Variants in SNTG2 observed in about 807,000 individuals in gnomAD.
SNTG2 encodes syntrophin gamma 2, also known as gamma-2-syntrophin.
In SNTG2, 74 loss-of-function variants were observed where a neutral mutation model predicts 70.9. The ratio of observed to expected loss-of-function variants is 1.04; its 90% CI spans 0.86 to 1.27. The LOEUF (loss-of-function observed/expected upper bound fraction) is 1.27, where lower values mean the gene tolerates loss of function less well. Ranked by LOEUF, SNTG2 falls within the 50% of genes most tolerant of loss-of-function variation. SNTG2 has a pLI of 0.00. For missense variants in SNTG2, 717 were observed against 690.7 expected (o/e 1.04, Z -0.43); for synonymous variants, 278 against 273.8 (o/e 1.02, Z -0.15).
At position 1,238,074 on chromosome 2, in the gene SNTG2, T is replaced by C. The variant is rs560806949; in HGVS notation, c.849+57T>C. ...ATGCTCATTCGTGCATGAAAAATAATGGAGACATCATGTTTCTGATGATTT... is the reference window on the plus strand; with the variant it reads ...ATGCTCATTCGTGCATGAAAAATAACGGAGACATCATGTTTCTGATGATTT... On this transcript the variant is annotated intron_variant, in intron 10 of 16. Coordinates refer to ENST00000308624, the MANE Select transcript of SNTG2 (RefSeq NM_018968.4). 166 of 1,552,978 alleles carry C rather than the reference T, an allele frequency of 1.1e-4. No homozygotes were observed. In the African/African-American group the frequency reaches 2.1e-3, roughly 19 times the overall value.
rs1420413600 is a variant in SNTG2, at chr2:1,094,796, G to A, written c.211-3400G>A. 2.5e-5 allele frequency among the ~76,000 whole-genome samples: 2 copies of A among 78,474 alleles called. 1 individual carries two copies. The highest frequency in any genetic ancestry group is 1.3e-4 in the African/African-American group (2 of 15,214). 51.5% of individuals were successfully genotyped at this position (78,474 alleles called of 152,430 possible). ...GTTACTGGCAAGGGCCAGCTTACTG[G>A]CCTGCAGGCAAAGGCCTTATAGGTG... is the stretch of plus-strand genomic sequence containing the variant. On this transcript the variant is annotated intron_variant, in intron 2 of 16. Transcript: ENST00000308624.
intron 16 of SNTG2, among the ~76,000 whole-genome samples, chr2:1,361,125 T>C (rs4624432): frequency 0.72 from 109,676 of 152,006 alleles, 39,860 homozygotes; most frequent in East Asian, 0.94. Context: ...CCTTCTGTGC[T>C]TCAGCCACTG....
intron 14 of SNTG2, among the ~76,000 whole-genome samples, chr2:1,271,602 G>T (rs1333222763): frequency 6.6e-6 from 1 of 152,048 alleles, no homozygotes; most frequent in Non-Finnish European, 1.5e-5. Flanking sequence ...CCATAACAAG[G>T]TTTCCATACT....
At chr2:1,125,301 G>A (rs891044706) in intron 4 of SNTG2, among the ~76,000 whole-genome samples, 1 of 152,056 alleles carries the variant, frequency 6.6e-6, no homozygotes, top group African/African-American at 2.4e-5. Context: ...CTTCATTTAT[G>A]AACTTTATTA....
intron 1 of SNTG2, among the ~76,000 whole-genome samples, chr2:1,067,327 ATAGT>A (rs151082959): frequency 0.035 from 5,381 of 152,256 alleles, 194 homozygotes; most frequent in African/African-American, 0.094. Context: ...TCACTATGTC[ATAGT>A]TAGTACTTCA....
At chr2:1,106,141 G>C in intron 4 of SNTG2, among the ~76,000 whole-genome samples, 1 of 125,802 alleles carries the variant, frequency 7.9e-6, no homozygotes, top group South Asian at 3.2e-4. Flanking sequence ...GCTGTCACTC[G>C]GGTGCAGGGT....
intron 4 of SNTG2, among the ~76,000 whole-genome samples, chr2:1,134,905 C>T (rs1279093460): frequency 3.9e-5 from 6 of 152,206 alleles, no homozygotes; most frequent in African/African-American, 9.6e-5. Context: ...AAATCAAGCG[C>T]AACACCGGTG....
intron 1 of SNTG2, among the ~76,000 whole-genome samples, chr2:994,638 ATAT>A (rs1661614946): frequency 6.6e-6 from 1 of 152,024 alleles, no homozygotes; most frequent in Non-Finnish European, 1.5e-5. Context: ...CCATTTCATA[ATAT>A]TAAGAATTTA....
chr2:1,006,219 A>G (rs1199183930), intron 1 of SNTG2, among the ~76,000 whole-genome samples: 1 of 150,956 alleles, frequency 6.6e-6, no homozygotes, highest in Non-Finnish European at 1.5e-5. Context: ...CTAGATGACA[A>G]GTTAGTGGGT....
chr2:1,218,783 C>T (rs1322032414), intron 9 of SNTG2, among the ~76,000 whole-genome samples: 2 of 152,318 alleles, frequency 1.3e-5, no homozygotes, highest in African/African-American at 2.4e-5. Flanking sequence ...GCTTCACCCT[C>T]TTGGGGCCAT....
chr2:1,316,622 G>C (rs1393888292), intron 16 of SNTG2, among the ~76,000 whole-genome samples: 2 of 43,942 alleles, frequency 4.6e-5, no homozygotes, highest in Non-Finnish European at 1.1e-4. Context: ...AATATTTGTG[G>C]ATTAGGTACT....
At chr2:1,069,371 A>G (rs1035928653) in intron 1 of SNTG2, among the ~76,000 whole-genome samples, 1 of 151,888 alleles carries the variant, frequency 6.6e-6, no homozygotes, top group Admixed American at 6.6e-5. Context: ...CTTCTGATTT[A>G]CATTCTGAAA....
chr2:984,185 T>C (rs890946381), intron 1 of SNTG2, among the ~76,000 whole-genome samples: 1 of 151,900 alleles, frequency 6.6e-6, no homozygotes, highest in Non-Finnish European at 1.5e-5. Flanking sequence ...ACAAACCAGA[T>C]GCACTTTTGG....
At chr2:1,157,251 T>A (rs936650130) in intron 6 of SNTG2, among the ~76,000 whole-genome samples, 3 of 152,190 alleles carry the variant, frequency 2.0e-5, no homozygotes, top group African/African-American at 7.2e-5. Flanking sequence ...TTGGTAAGTT[T>A]GGCAGGAATC....
intron 16 of SNTG2, among the ~76,000 whole-genome samples, chr2:1,359,484 G>T (rs1661027552): frequency 6.6e-6 from 1 of 152,044 alleles, no homozygotes; most frequent in East Asian, 1.9e-4. Context: ...TTTTGTCTAA[G>T]TACAGCCACC....
chr2:1,137,907 C>A, intron 6 of SNTG2, 98 bp downstream of exon 6: 1 of 1,181,198 alleles, frequency 8.5e-7, no homozygotes, highest in Non-Finnish European at 1.2e-6. Context: ...TCCATAGATG[C>A]AGTGTTAGAA....
chr2:1,149,203 G>C (rs1669300474), intron 6 of SNTG2, among the ~76,000 whole-genome samples: 2 of 35,766 alleles, frequency 5.6e-5, no homozygotes, highest in Admixed American at 5.5e-4. Context: ...GTGTGTGTGT[G>C]TGTGTGAGAG....
chr2:967,263 G>T (rs78535863), intron 1 of SNTG2, among the ~76,000 whole-genome samples: 51,388 of 151,860 alleles, frequency 0.34, 9,365 homozygotes, highest in Middle Eastern at 0.46. Context: ...ATGCTATTTA[G>T]TAGAAATGGG....
rs926046519 is a variant in SNTG2, at chr2:1,329,084, G to GT, written c.1488+12718dup. ...GCTGGGCAATTAGCAAACATTCCTG[G>GT]TTTTTTTTTCTTTTTTCTTTTTGGA... is the stretch of plus-strand genomic sequence containing the variant. On this transcript the variant is annotated intron_variant, in intron 16 of 16. Coordinates refer to ENST00000308624, the MANE Select transcript of SNTG2 (RefSeq NM_018968.4). Among the ~76,000 whole-genome samples the GT allele has an allele frequency of 1.6e-3, 241 of 150,974 alleles. 1 individual carries two copies. Among genetic ancestry groups the GT allele is most frequent in the African/African-American group, 5.4e-3 (223 of 41,116 alleles).
Sources: allele counts gnomAD v4.1 joint callset (sites outside exome capture counted in the v4.1 genomes callset), GRCh38; gene constraint gnomAD v4.1.1; transcripts MANE v1.5; gene names NCBI Gene and HGNC (gene_info 2026-07-23, HGNC 2026-07-21).